Variants in RGS6 observed in about 807,000 individuals in gnomAD.
RGS6 encodes regulator of G-protein signaling 6.
RGS6 carries 30 observed loss-of-function variants against 78.5 expected under a neutral mutation model. That is an observed-to-expected ratio of 0.38 (90% CI 0.29 to 0.52). RGS6 has a LOEUF of 0.52. RGS6 is among the 20% of genes least tolerant of loss of function. The pLI, the probability that RGS6 is intolerant of heterozygous loss-of-function variation, is 0.85. For synonymous variants in RGS6, 206 were observed against 206.0 expected (o/e 1.00, Z 0.00); for missense variants, 495 against 609.7 (o/e 0.81, Z 1.98).
chr14:72,281,209 T>G (rs1220039088), intron 2 of RGS6, among the ~76,000 whole-genome samples: 1 of 143,898 alleles, frequency 6.9e-6, no homozygotes, highest in East Asian at 2.1e-4. Context: ...GGTGCAATGG[T>G]GCAATCTCAG....
intron 2 of RGS6, among the ~76,000 whole-genome samples, chr14:72,315,833 C>T (rs968918180): frequency 2.0e-5 from 3 of 152,202 alleles, no homozygotes; most frequent in Non-Finnish European, 4.4e-5. Context: ...CACTTATTTA[C>T]ACAAGTAAGT....
intron 2 of RGS6, among the ~76,000 whole-genome samples, chr14:72,223,244 A>G (rs1231967828): frequency 6.6e-6 from 1 of 152,236 alleles, no homozygotes; most frequent in Non-Finnish European, 1.5e-5. Context: ...CAGCAATGGA[A>G]CAACCTCACA....
chr14:72,514,060 A>G (rs1270593117), intron 14 of RGS6: 1 of 152,214 alleles, frequency 6.6e-6, no homozygotes, highest in African/African-American at 2.4e-5. Flanking sequence ...ATTAATAGGA[A>G]CAGAGGTGAC....
In RGS6 at chr14:72,563,463, C is replaced by T. The variant is rs2097695695; in HGVS notation, c.*996C>T. On this transcript the variant is annotated 3_prime_UTR_variant, in exon 18 of 18. Coordinates refer to ENST00000553525, the MANE Select transcript of RGS6 (RefSeq NM_001204424.2). ...CCACGTGGTGGCATCCTGACAGGCACAGTGAGACCCTTGCTGGGTCAGGTC... is the reference window on the plus strand; with the variant it reads ...CCACGTGGTGGCATCCTGACAGGCATAGTGAGACCCTTGCTGGGTCAGGTC... 1 of 152,948 alleles carries T rather than the reference C, an allele frequency of 6.5e-6. No homozygotes were observed. The highest frequency in any genetic ancestry group is 2.4e-5 in the African/African-American group (1 of 41,466). The allele number at this position is 152,948 out of a possible 1,614,324, so 9.5% of individuals were successfully genotyped here. A position where few individuals can be genotyped will look rare whatever the true frequency, so the allele number is the denominator to read the frequency against.
Position 72,548,342 on chromosome 14 carries a change from T to TGC in RGS6, c.1422+8254_1422+8255dup, listed in dbSNP as rs61586947. ...CAGATCATATTTGTGTGTGTGTGTG[T>TGC]GCGCGCGTGTGTGTGTGTGTGTGTG... On this transcript the variant is annotated intron_variant, in intron 17 of 17. Coordinates refer to ENST00000553525, the MANE Select transcript of RGS6 (RefSeq NM_001204424.2). Among the ~76,000 whole-genome samples, 151 of 134,826 alleles carry TGC rather than the reference T, an allele frequency of 1.1e-3. No individual in the cohort carries two copies. The East Asian group carries it at 0.016, about 14-fold the overall frequency. The allele number at this position is 134,826 out of a possible 152,430, so 88.5% of individuals were successfully genotyped here.
At chr14:72,011,008 C>T (rs2085569304) in intron 2 of RGS6, among the ~76,000 whole-genome samples, 1 of 152,182 alleles carries the variant, frequency 6.6e-6, no homozygotes, top group Non-Finnish European at 1.5e-5. Flanking sequence ...AATACTTTTG[C>T]ACCAAAATAT....
intron 2 of RGS6, among the ~76,000 whole-genome samples, chr14:72,308,075 C>T (rs1208835735): frequency 6.6e-6 from 1 of 152,084 alleles, no homozygotes; most frequent in Non-Finnish European, 1.5e-5. Context: ...TTTTATTATT[C>T]TAATTTTCCA....
At chr14:72,383,213 T>TATACATATATATAC (rs1387301746) in intron 3 of RGS6, among the ~76,000 whole-genome samples, 2 of 118,336 alleles carry the variant, frequency 1.7e-5, no homozygotes, top group African/African-American at 6.3e-5. Context: ...TATATATATA[T>TATACATATATATAC]ACACACAAAC....
intron 2 of RGS6, among the ~76,000 whole-genome samples, chr14:71,983,466 T>C (rs1312482173): frequency 6.6e-6 from 1 of 152,222 alleles, no homozygotes; most frequent in East Asian, 1.9e-4. Flanking sequence ...AACAGGAATA[T>C]ATTCTGTCAC....
At chr14:72,227,746 C>T (rs847312) in intron 2 of RGS6, among the ~76,000 whole-genome samples, 150,347 of 152,332 alleles carry the variant, frequency 0.99, 74,204 homozygotes, top group East Asian at 1. Context: ...TGACTTCTTC[C>T]GTTTAACTAG....
At chr14:72,138,452 T>TG (rs2096484144) in intron 2 of RGS6, among the ~76,000 whole-genome samples, 1 of 147,936 alleles carries the variant, frequency 6.8e-6, no homozygotes, top group Non-Finnish European at 1.5e-5. Context: ...TGTACCTGTT[T>TG]TTTTTTTTTT....
upstream of RGS6, among the ~76,000 whole-genome samples, chr14:71,927,879 C>T (rs894739094): frequency 6.6e-5 from 10 of 151,930 alleles, no homozygotes; most frequent in Middle Eastern, 3.4e-3. Flanking sequence ...AGGATGGTCT[C>T]GATCTCCTGA....
intron 2 of RGS6, among the ~76,000 whole-genome samples, chr14:71,982,253 C>T (rs1049048741): frequency 4.6e-5 from 7 of 150,676 alleles, no homozygotes; most frequent in Non-Finnish European, 7.4e-5. Flanking sequence ...TCTTCTGCGT[C>T]GCTCAGGCTG....
chr14:72,557,695 A>C (rs182414360), intron 17 of RGS6, among the ~76,000 whole-genome samples: 1 of 152,240 alleles, frequency 6.6e-6, no homozygotes. Context: ...CTTGCCTGCT[A>C]AGTTGCATGG....
chr14:72,051,033 T>C (rs929527021), intron 2 of RGS6, among the ~76,000 whole-genome samples: 4 of 152,214 alleles, frequency 2.6e-5, no homozygotes, highest in African/African-American at 9.7e-5. Context: ...TTGTTATCCA[T>C]GTACATCTTT....
chr14:72,465,684 A>G, intron 6 of RGS6, 74 bp from the exon 7 acceptor site: 2 of 1,045,650 alleles, frequency 1.9e-6, no homozygotes, highest in Non-Finnish European at 3.0e-6. Flanking sequence ...ATGGATGGAC[A>G]GATGGATGGA....
chr14:72,075,956 G>A (rs376151734), intron 2 of RGS6, among the ~76,000 whole-genome samples: 4 of 152,206 alleles, frequency 2.6e-5, no homozygotes, highest in East Asian at 1.9e-4. Flanking sequence ...CAAGGCTCTG[G>A]CTAGCCTTGA....
At chr14:72,545,266 C>A (rs1472569885) in intron 17 of RGS6, among the ~76,000 whole-genome samples, 1 of 152,238 alleles carries the variant, frequency 6.6e-6, no homozygotes, top group East Asian at 1.9e-4. Context: ...TGCAGTGAAA[C>A]CCTGGCCCTG....
intron 1 of RGS6, among the ~76,000 whole-genome samples, chr14:71,937,055 A>G (rs1032938685): frequency 6.6e-6 from 1 of 152,326 alleles, no homozygotes; most frequent in African/African-American, 2.4e-5. Flanking sequence ...TAATACTGAG[A>G]GATGCCCTAA....
Sources: gnomAD v4.1 joint callset for allele counts (sites outside exome capture counted in the v4.1 genomes callset) on GRCh38, gnomAD v4.1.1 for gene constraint, MANE v1.5 for transcripts, NCBI Gene and HGNC (gene_info 2026-07-23, HGNC 2026-07-21) for gene names.